Variants in IQCH observed in about 807,000 individuals in gnomAD.
The protein encoded by IQCH is IQ motif containing H, also known as IQ domain-containing protein H.
IQCH carries 98 observed loss-of-function variants against 117.0 expected under a neutral mutation model. That is an observed-to-expected ratio of 0.84 (90% CI 0.71 to 0.99). The LOEUF is 0.99. Ranked by LOEUF, IQCH falls within the 50% of genes least tolerant of loss-of-function variation. The pLI, the probability that IQCH is intolerant of heterozygous loss-of-function variation, is 0.00. For synonymous variants in IQCH, 412 were observed against 448.2 expected (o/e 0.92, Z 1.02); for missense variants, 1,102 against 1,243.8 (o/e 0.89, Z 1.72).
intron 4 of IQCH, among the ~76,000 whole-genome samples, chr15:67,301,568 C>T (rs1181226772): frequency 6.6e-6 from 1 of 151,806 alleles, no homozygotes; most frequent in Non-Finnish European, 1.5e-5. Flanking sequence ...CGCTACTACA[C>T]CTGGCTAATT....
In IQCH at chr15:67,376,224, A is replaced by C. The variant is rs568449388; in HGVS notation, c.1372+2791A>C. On this transcript the variant is annotated intron_variant, in intron 10 of 20. Transcript: ENST00000335894. This position sits in a 1 kb window ranked among gnomAD's most constrained non-coding sequence, Gnocchi z 5.0. ...GATATAGGGTACCCTTTTTTTGTGT[A>C]CCACATCCCTGGGAGTCCTTAAAGA... 6.6e-6 allele frequency among the ~76,000 whole-genome samples: 1 copy of C among 151,944 alleles called. No individual in the cohort carries two copies. The highest frequency in any genetic ancestry group is 1.5e-5 in the Non-Finnish European group (1 of 67,920).
chr15:67,349,605 T>TGA (rs1969559955), intron 6 of IQCH, among the ~76,000 whole-genome samples: 1 of 8,666 alleles, frequency 1.2e-4, no homozygotes, highest in Non-Finnish European at 3.4e-4. Flanking sequence ...AGACTCCATC[T>TGA]CAAAAAAAAA....
Position 67,286,645 on chromosome 15 carries a change from T to G in IQCH, c.387+7133T>G, listed in dbSNP as rs183073919. 1.9e-3 allele frequency among the ~76,000 whole-genome samples: 284 copies of G among 152,086 alleles called. 1 individual carries two copies. Among genetic ancestry groups the G allele is most frequent in the Admixed American group, 5.2e-3 (80 of 15,264 alleles). On this transcript the variant is annotated intron_variant, in intron 4 of 20. Coordinates refer to ENST00000335894, the MANE Select transcript of IQCH (RefSeq NM_001031715.3). ...TTATTTATTGAGTAGAGTCTCGTTC[T>G]GTCGCCCAGGCTGGAGTGCCATGGT... is the stretch of plus-strand genomic sequence containing the variant.
intron 17 of IQCH, among the ~76,000 whole-genome samples, chr15:67,471,029 C>A (rs867866599): frequency 7.9e-5 from 12 of 152,120 alleles, no homozygotes; most frequent in African/African-American, 2.9e-4. Flanking sequence ...GATTCAGACA[C>A]CTGAGCAGTA....
In IQCH at chr15:67,395,153, T is replaced by G; in HGVS notation, c.1633-138T>G. 9 of 959,480 alleles carry G rather than the reference T, an allele frequency of 9.4e-6. No homozygotes were observed. In the South Asian group the frequency reaches 1.3e-4, roughly 14 times the overall value. 59.4% of individuals were successfully genotyped at this position (959,480 alleles called of 1,614,324 possible). On this transcript the variant is annotated intron_variant, in intron 12 of 20. Transcript: ENST00000335894. This position sits in a 1 kb window ranked among gnomAD's most constrained non-coding sequence, Gnocchi z 4.0. ...CCTCACCCCAACAGCTTTTATCAAT[T>G]TAAACTGCTAAACAACAGGATAGGT...
At chr15:67,312,728 T>C (rs4776919) in intron 4 of IQCH, among the ~76,000 whole-genome samples, 102,588 of 152,128 alleles carry the variant, frequency 0.67, 35,189 homozygotes, top group Middle Eastern at 0.83. Flanking sequence ...CTGTTTAAAA[T>C]GAAGCAAAGG....
chr15:67,315,231 A>G (rs1967791352), intron 4 of IQCH, among the ~76,000 whole-genome samples: 1 of 152,210 alleles, frequency 6.6e-6, no homozygotes, highest in Non-Finnish European at 1.5e-5. Flanking sequence ...TTAGAAAGCT[A>G]CACAGAATCC....
Position 67,410,719 on chromosome 15 carries a change from T to C in IQCH, c.2098-6212T>C, listed in dbSNP as rs1385850732. Among the ~76,000 whole-genome samples, 7 of 152,192 alleles carry C rather than the reference T, an allele frequency of 4.6e-5. No homozygotes were observed. The East Asian group carries it at 7.7e-4, about 17-fold the overall frequency. On this transcript the variant is annotated intron_variant, in intron 14 of 20. Transcript: ENST00000335894. Reference sequence around the variant, plus strand: ...GGAAAGTATTGGTCCTGAAAGAAGTTTGGAATATTATTACCCTGAAAGAGG... The same window carrying C: ...GGAAAGTATTGGTCCTGAAAGAAGTCTGGAATATTATTACCCTGAAAGAGG...
intron 4 of IQCH, among the ~76,000 whole-genome samples, chr15:67,287,130 C>T (rs1242116484): frequency 1.3e-5 from 2 of 152,168 alleles, no homozygotes; most frequent in East Asian, 3.8e-4. Context: ...TCCCACTGGT[C>T]ATGATGAATT....
Position 67,403,076 on chromosome 15 carries a change from C to T in IQCH, c.2097+2771C>T, listed in dbSNP as rs922891187. 2.0e-5 allele frequency among the ~76,000 whole-genome samples: 3 copies of T among 152,168 alleles called. No individual in the cohort carries two copies. Among genetic ancestry groups the T allele is most frequent in the South Asian group, 4.2e-4 (2 of 4,806 alleles). ...CAGCCTGGCCAACATAGTGAAACCT[C>T]GTCTCTACTAAAAATACAAAAAAAT... On this transcript the variant is annotated intron_variant, in intron 14 of 20. Coordinates refer to ENST00000335894, the MANE Select transcript of IQCH (RefSeq NM_001031715.3). The surrounding 1 kb of genome is among the most constrained non-coding windows in gnomAD (Gnocchi z 4.8).
chr15:67,468,402 G>A (rs1052729368), intron 17 of IQCH, among the ~76,000 whole-genome samples: 4 of 152,166 alleles, frequency 2.6e-5, no homozygotes, highest in Admixed American at 6.5e-5. Context: ...GTTTGATTTT[G>A]ATAGAATGCA....
At chr15:67,441,723 T>C (rs2082275100) in intron 16 of IQCH, among the ~76,000 whole-genome samples, 2 of 152,216 alleles carry the variant, frequency 1.3e-5, no homozygotes, top group Admixed American at 1.3e-4. Flanking sequence ...TCTCACCTTA[T>C]ACAAAAATCA....
At chr15:67,468,185 G>C (rs557087869) in intron 17 of IQCH, among the ~76,000 whole-genome samples, 5 of 152,208 alleles carry the variant, frequency 3.3e-5, no homozygotes, top group African/African-American at 1.2e-4. Context: ...ACTCTTCCTC[G>C]CTCTTTCTGG....
chr15:67,480,627 TA>T (rs1238468052), intron 18 of IQCH, among the ~76,000 whole-genome samples: 2 of 152,074 alleles, frequency 1.3e-5, no homozygotes, highest in Admixed American at 1.3e-4. Context: ...AACAGAAACC[TA>T]AAATTTTGGT....
intron 6 of IQCH, among the ~76,000 whole-genome samples, chr15:67,350,568 A>C (rs1163144171): frequency 6.6e-6 from 1 of 152,018 alleles, no homozygotes; most frequent in Non-Finnish European, 1.5e-5. Flanking sequence ...CTGGGACTAC[A>C]GGCGCCCGCA....
chr15:67,254,932 A>T lies in IQCH; in HGVS notation c.36A>T (p.Gly12=). The part of the protein sequence containing the change: ...AQNTENHDPV[G]SILIQIHEDL... The stretch of plus-strand genomic sequence containing the variant: ...ACACTGAAAACCACGACCCTGTCGG[A>T]TCCATCTTAATCCAGGTGGGAAACG... Residue 12 remains glycine (G), a synonymous_variant, in exon 1 of 21, where the codon GGA becomes GGT. Coordinates refer to ENST00000335894, the MANE Select transcript of IQCH (RefSeq NM_001031715.3). 1.2e-6 allele frequency: 2 copies of T among 1,613,702 alleles called. No individual in the cohort carries two copies. Among genetic ancestry groups the T allele is most frequent in the Non-Finnish European group, 8.5e-7 (1 of 1,179,770 alleles).
intron 3 of IQCH, among the ~76,000 whole-genome samples, chr15:67,273,364 C>T (rs965731728): frequency 6.6e-6 from 1 of 152,176 alleles, no homozygotes; most frequent in East Asian, 1.9e-4. Flanking sequence ...GCCACCATGC[C>T]TGGCCTGAGC....
chr15:67,330,990 T>A (rs1968642025), intron 4 of IQCH, among the ~76,000 whole-genome samples: 1 of 152,112 alleles, frequency 6.6e-6, no homozygotes, highest in African/African-American at 2.4e-5. Flanking sequence ...AATGCCCAGT[T>A]CTCACATGTT....
chr15:67,389,992 T>C (rs948192007), intron 12 of IQCH, among the ~76,000 whole-genome samples: 4 of 152,220 alleles, frequency 2.6e-5, no homozygotes, highest in Non-Finnish European at 4.4e-5. Context: ...TCAGGGTTTA[T>C]TCTTTTCTAC....
Sources: gnomAD v4.1 joint callset for allele counts (sites outside exome capture counted in the v4.1 genomes callset) on GRCh38, gnomAD v4.1.1 for gene constraint, Gnocchi (gnomAD v3.1) non-coding constraint, MANE v1.5 for transcripts, NCBI Gene and HGNC (gene_info 2026-07-23, HGNC 2026-07-21) for gene names.